Variants in MZT2B observed in about 807,000 individuals in gnomAD.
MZT2B encodes mitotic spindle organizing protein 2B.
MZT2B carries 11 observed loss-of-function variants against 12.1 expected under a neutral mutation model. The ratio of observed to expected loss-of-function variants is 0.91; its 90% CI spans 0.57 to 1.50. MZT2B has a LOEUF of 1.50. MZT2B is among the 40% of genes most tolerant of loss of function. MZT2B has a pLI of 0.00. For synonymous variants in MZT2B, 85 were observed against 109.5 expected, an observed-to-expected ratio of 0.78 and a Z score of 1.40; for missense variants, 209 against 227.7, an observed-to-expected ratio of 0.92 and a Z score of 0.53.
downstream of MZT2B, chr2:130,194,593 G>A (rs756310546): frequency 1.6e-6 from 2 of 1,220,658 alleles, no homozygotes; most frequent in South Asian, 3.3e-5. Context: ...TAATAAACAT[G>A]CAATACACTT....
chr2:130,189,996 G>C (rs535535740), intron 2 of MZT2B, among the ~76,000 whole-genome samples: 1 of 152,336 alleles, frequency 6.6e-6, no homozygotes, highest in South Asian at 2.1e-4. Flanking sequence ...AGGACTTGGT[G>C]ACTGCAGTAC....
At chr2:130,184,902 C>T in intron 2 of MZT2B, 6 of 985,186 alleles carry the variant, frequency 6.1e-6, no homozygotes, top group Non-Finnish European at 7.2e-6. Flanking sequence ...TGGTGGCTCA[C>T]ACCTGTAATC....
chr2:130,200,500 C>G, the MZT2B span, among the ~76,000 whole-genome samples: 1 of 152,174 alleles, frequency 6.6e-6, no homozygotes, highest in Non-Finnish European at 1.5e-5. Flanking sequence ...GAACAAAATG[C>G]CTTTAAACAG....
At chr2:130,193,782 A>G, downstream of MZT2B, 1 of 1,599,218 alleles carries the variant, frequency 6.3e-7, no homozygotes, top group Non-Finnish European at 8.5e-7. Flanking sequence ...TCACCCAGTC[A>G]TACCTTAAAT....
chr2:130,187,266 CT>C (rs1175496636), intron 2 of MZT2B, among the ~76,000 whole-genome samples: 2 of 152,104 alleles, frequency 1.3e-5, no homozygotes, highest in East Asian at 1.9e-4. Flanking sequence ...TCATAGCTCA[CT>C]GCAGCTTCAA....
At chr2:130,192,244 C>T, downstream of MZT2B, 3 of 1,389,364 alleles carry the variant, frequency 2.2e-6, no homozygotes, top group Non-Finnish European at 2.9e-6. Context: ...CTCAGTTCAC[C>T]TCACAAACGT....
At chr2:130,187,515 G>A (rs1690109763) in intron 2 of MZT2B, among the ~76,000 whole-genome samples, 1 of 152,162 alleles carries the variant, frequency 6.6e-6, no homozygotes, top group South Asian at 2.1e-4. Context: ...AACATTCAAT[G>A]GTCATTGACT....
chr2:130,187,072 AAGAAC>A (rs1690092448), intron 2 of MZT2B, among the ~76,000 whole-genome samples: 1 of 151,054 alleles, frequency 6.6e-6, no homozygotes, highest in Non-Finnish European at 1.5e-5. Context: ...AAACAAGAAA[AAGAAC>A]AGAGGTGAAT....
chr2:130,189,217 A>G (rs1690171824), intron 2 of MZT2B, among the ~76,000 whole-genome samples: 2 of 152,240 alleles, frequency 1.3e-5, no homozygotes, highest in South Asian at 4.1e-4. Flanking sequence ...GGTTGTGCCT[A>G]GGCACACCGC....
At chr2:130,199,528 T>C in the MZT2B span, among the ~76,000 whole-genome samples, 1 of 121,888 alleles carries the variant, frequency 8.2e-6, no homozygotes, top group South Asian at 2.8e-4. Context: ...CAAGCCTGGG[T>C]GACAGAGCAA....
intron 2 of MZT2B, among the ~76,000 whole-genome samples, chr2:130,188,850 G>T (rs1189999300): frequency 6.6e-6 from 1 of 150,612 alleles, no homozygotes; most frequent in African/African-American, 2.5e-5. Flanking sequence ...CTTGTTCAGG[G>T]TGACAGATGG....
At chr2:130,202,734 G>A in the MZT2B span, among the ~76,000 whole-genome samples, 1 of 152,230 alleles carries the variant, frequency 6.6e-6, no homozygotes, top group Non-Finnish European at 1.5e-5. Flanking sequence ...CAACCCCGCA[G>A]AGTAAGCAGC....
the MZT2B span, among the ~76,000 whole-genome samples, chr2:130,201,101 C>T: frequency 7.9e-5 from 12 of 152,338 alleles, 1 homozygote; most frequent in South Asian, 4.1e-4. Context: ...ATGGGACTCA[C>T]GAGGTCCAGG....
downstream of MZT2B, among the ~76,000 whole-genome samples, chr2:130,193,283 A>ATT (rs1479319323): frequency 1.3e-5 from 2 of 151,874 alleles, no homozygotes; most frequent in African/African-American, 4.8e-5. Flanking sequence ...CTCACCACAG[A>ATT]TATATAGTGT....
At chr2:130,201,107 C>T in the MZT2B span, among the ~76,000 whole-genome samples, 2 of 152,232 alleles carry the variant, frequency 1.3e-5, no homozygotes, top group East Asian at 1.9e-4. Flanking sequence ...CTCACGAGGT[C>T]CAGGAGTTGA....
downstream of MZT2B, among the ~76,000 whole-genome samples, chr2:130,191,301 TG>T (rs1413259825): frequency 6.6e-6 from 1 of 152,154 alleles, no homozygotes; most frequent in African/African-American, 2.4e-5. Context: ...TCAGCATGGG[TG>T]TGTTGTGACC....
chr2:130,201,960 G>C, the MZT2B span, among the ~76,000 whole-genome samples: 1 of 152,134 alleles, frequency 6.6e-6, no homozygotes, highest in Non-Finnish European at 1.5e-5. Context: ...GTTGTTGACC[G>C]AAACATCATT....
At chr2:130,196,417 T>G in the MZT2B span, 1 of 1,594,516 alleles carries the variant, frequency 6.3e-7, no homozygotes, top group Non-Finnish European at 8.6e-7. Context: ...TCAAGGCAAC[T>G]TGAAACTATA....
upstream of MZT2B, chr2:130,181,740 G>C (rs1459679278): frequency 1.9e-6 from 3 of 1,548,522 alleles, no homozygotes; most frequent in Non-Finnish European, 2.6e-6. Flanking sequence ...GGAGTGCGGG[G>C]GAGGGAGTGG....
Sources: allele counts gnomAD v4.1 joint callset (sites outside exome capture counted in the v4.1 genomes callset), GRCh38; gene constraint gnomAD v4.1.1; transcripts MANE v1.5; gene names NCBI Gene and HGNC (gene_info 2026-07-23, HGNC 2026-07-21).